IL17RA: variants seen among roughly 807,000 people sequenced by gnomAD.
IL17RA encodes interleukin-17 receptor A.
A neutral mutation model predicts 50.4 loss-of-function variants in IL17RA; 34 were observed. The observed-to-expected ratio is 0.67, with a 90% CI of 0.51 to 0.90. IL17RA has a LOEUF of 0.90. Among genes scored for constraint, IL17RA ranks in the 40% least tolerant of loss-of-function variants. IL17RA has a pLI of 0.00. For missense variants in IL17RA, 1,276 were observed against 1,169.8 expected (o/e 1.09, Z -1.32); for synonymous variants, 585 against 510.4 (o/e 1.15, Z -1.97).
At chr22:17,094,683 C>CTATATATATATA (rs1391959400) in intron 1 of IL17RA, among the ~76,000 whole-genome samples, 1 of 47,030 alleles carries the variant, frequency 2.1e-5, no homozygotes, top group Non-Finnish European at 4.0e-5. Context: ...CTCTCTCTCT[C>CTATATATATATA]TCTCTCTCTA....
chr22:17,088,903 C>T (rs181953407), intron 1 of IL17RA, among the ~76,000 whole-genome samples: 2 of 152,084 alleles, frequency 1.3e-5, no homozygotes, highest in Non-Finnish European at 2.9e-5. Context: ...TCAAGCGATT[C>T]TCCTGCCTCA....
At chr22:17,087,132 T>C (rs1448850098) in intron 1 of IL17RA, among the ~76,000 whole-genome samples, 5 of 152,340 alleles carry the variant, frequency 3.3e-5, no homozygotes, top group African/African-American at 9.6e-5. Context: ...CTGGGCTCCA[T>C]TGACTAGTTC....
chr22:17,089,676 C>A (rs1018182990), intron 1 of IL17RA, among the ~76,000 whole-genome samples: 25 of 152,140 alleles, frequency 1.6e-4, no homozygotes, highest in African/African-American at 4.6e-4. Flanking sequence ...AGTTCAAGAC[C>A]AGTCTGGGCA....
rs1568923390 is a variant in IL17RA, at chr22:17,108,615, C to G, written c.1396C>G (p.Arg466Gly). 6.2e-7 allele frequency: 1 copy of G among 1,604,486 alleles called. No individual in the cohort carries two copies. The highest frequency in any genetic ancestry group is 1.1e-5 in the South Asian group (1 of 91,064). ...GCTCCTGGGCCGGGGGGCGCCTGTG[C>G]GGCTGCGCTGCGACCACGGAAAGCC... Reference protein sequence around the residue: ...QALLGRGAPVRLRCDHGKPVG... With the variant: ...QALLGRGAPVGLRCDHGKPVG... Residue 466 changes from arginine to glycine, a missense_variant, in exon 13 of 13, where the codon CGG becomes GGG. Arg to Gly is a moderately radical substitution (Grantham distance 125). Coordinates refer to ENST00000319363, the MANE Select transcript of IL17RA (RefSeq NM_014339.7).
At chr22:17,097,714 T>G in intron 2 of IL17RA, 83 bp from the exon 3 acceptor site, 1 of 1,570,714 alleles carries the variant, frequency 6.4e-7, no homozygotes, top group Non-Finnish European at 8.7e-7. Context: ...AGCTGTTTGC[T>G]GTCTAGCTGT....
At chr22:17,107,843 C>T (rs768262630) in intron 12 of IL17RA, 75 bp downstream of exon 12, 27 of 1,341,586 alleles carry the variant, frequency 2.0e-5, no homozygotes, top group South Asian at 2.3e-5. Context: ...GTGCGTGGGT[C>T]GCCTCCTGTG....
At chr22:17,108,262 T>A in intron 12 of IL17RA, 45 bp from the exon 13 acceptor site, 1 of 1,598,484 alleles carries the variant, frequency 6.3e-7, no homozygotes, top group South Asian at 1.1e-5. Flanking sequence ...AGAGCTGCCC[T>A]GGGCCCTGGG....
At chr22:17,108,002 T>C (rs1302624212) in intron 12 of IL17RA, among the ~76,000 whole-genome samples, 1 of 152,174 alleles carries the variant, frequency 6.6e-6, no homozygotes, top group Non-Finnish European at 1.5e-5. Context: ...TGAACAGAGG[T>C]CCTCCCTGGA....
chr22:17,104,820 A>T lies in IL17RA; in HGVS notation c.931+10A>T. ...ATGCCAGACACTCCAGGTAGGGGAC[A>T]TGCGGCTGTCCTAGGCCATACTGGG... is the stretch of plus-strand genomic sequence containing the variant. On this transcript the variant is annotated intron_variant, in intron 9 of 12. Coordinates refer to ENST00000319363, the MANE Select transcript of IL17RA (RefSeq NM_014339.7). 6.2e-7 allele frequency: 1 copy of T among 1,613,648 alleles called. No individual in the cohort carries two copies. The highest frequency in any genetic ancestry group is 1.1e-5 in the South Asian group (1 of 91,072).
At chr22:17,092,431 C>T (rs1393428975) in intron 1 of IL17RA, among the ~76,000 whole-genome samples, 1 of 152,188 alleles carries the variant, frequency 6.6e-6, no homozygotes, top group African/African-American at 2.4e-5. Flanking sequence ...GAGGCCCAGA[C>T]TTACCACTGG....
chr22:17,109,161 G>T lies in IL17RA; in HGVS notation c.1942G>T (p.Ala648Ser). ...LVGEEGGAAV[A>S]KLEPHLQPRG... ...CGGGGAGGAAGGAGGAGCAGCAGTG[G>T]CAAAGCTGGAACCTCACCTGCAGCC... is the stretch of plus-strand genomic sequence containing the variant. The change falls in exon 13 of 13, where the codon GCA becomes TCA. Residue 648 changes from alanine (A) to serine (S), a missense_variant. By Grantham distance (99) the Ala-to-Ser change is moderately conservative. Coordinates refer to ENST00000319363, the MANE Select transcript of IL17RA (RefSeq NM_014339.7). The T allele has an allele frequency of 6.5e-7, 1 of 1,532,182 alleles. No homozygotes were observed. Among genetic ancestry groups the T allele is most frequent in the Non-Finnish European group, 8.7e-7 (1 of 1,145,628 alleles). The allele number at this position is 1,532,182 out of a possible 1,614,324, so 94.9% of individuals were successfully genotyped here.
intron 6 of IL17RA, 48 bp downstream of exon 6, chr22:17,102,091 A>G: frequency 2.5e-6 from 4 of 1,614,062 alleles, no homozygotes; most frequent in Non-Finnish European, 3.4e-6. Flanking sequence ...ACACATGCAC[A>G]TGTGCGTGCC....
Position 17,085,056 on chromosome 22 carries a change from A to C in IL17RA, c.-36A>C. Reference sequence around the variant, plus strand: ...CAGAACGTTCGTTCGCTGCGTCCCCAGCCGGGGCCGAGCCCTCCGCGACGC... The same window carrying C: ...CAGAACGTTCGTTCGCTGCGTCCCCCGCCGGGGCCGAGCCCTCCGCGACGC... On this transcript the variant is annotated 5_prime_UTR_variant, in exon 1 of 13. Transcript: ENST00000319363. The C allele has an allele frequency of 1.5e-6, 2 of 1,290,360 alleles. No individual in the cohort carries two copies. Among genetic ancestry groups the C allele is most frequent in the Non-Finnish European group, 2.0e-6 (2 of 1,018,350 alleles). The allele number at this position is 1,290,360 out of a possible 1,614,324, so 79.9% of individuals were successfully genotyped here. A position where few individuals can be genotyped will look rare whatever the true frequency, so the allele number is the denominator to read the frequency against.
Position 17,109,345 on chromosome 22 carries a change from C to G in IL17RA, c.2126C>G (p.Pro709Arg), listed in dbSNP as rs757383824. ...EGEACPLLGS[P>R]GAGRNSVLFL... Reference sequence around the variant, plus strand: ...GAGGCCTGCCCGCTGCTGGGCAGCCCGGGCGCTGGGCGAAATAGCGTCCTC... The same window carrying G: ...GAGGCCTGCCCGCTGCTGGGCAGCCGGGGCGCTGGGCGAAATAGCGTCCTC... Residue 709 changes from proline to arginine, a missense_variant, in exon 13 of 13, where the codon CCG becomes CGG. By Grantham distance (103) the Pro-to-Arg change is moderately radical. Coordinates refer to ENST00000319363, the MANE Select transcript of IL17RA (RefSeq NM_014339.7). 5.7e-6 allele frequency: 9 copies of G among 1,586,012 alleles called. No individual in the cohort carries two copies. Among genetic ancestry groups the G allele is most frequent in the Non-Finnish European group, 7.7e-6 (9 of 1,169,190 alleles).
intron 7 of IL17RA, among the ~76,000 whole-genome samples, chr22:17,102,534 C>T (rs1183933814): frequency 6.6e-6 from 1 of 151,966 alleles, no homozygotes; most frequent in African/African-American, 2.4e-5. Flanking sequence ...TTTGTTCTTT[C>T]CTCCCCCACA....
At position 17,108,514 on chromosome 22, in the gene IL17RA, A is replaced by G. The variant is rs761289452; in HGVS notation, c.1295A>G (p.Gln432Arg). ...EAGVMTWVGR[Q>R]KQEMVESNSK... is the part of the protein sequence containing the mutation. ...GGAGTCATGACCTGGGTGGGCCGTC[A>G]GAAGCAGGAGATGGTGGAGAGCAAC... The change falls in exon 13 of 13, where the codon CAG becomes CGG. Residue 432 changes from glutamine to arginine, a missense_variant. By Grantham distance (43) the Gln-to-Arg change is conservative. Coordinates refer to ENST00000319363, the MANE Select transcript of IL17RA (RefSeq NM_014339.7). 6 of 1,612,088 alleles carry G rather than the reference A, an allele frequency of 3.7e-6. No homozygotes were observed. The East Asian group carries it at 1.1e-4, about 30-fold the overall frequency.
At position 17,109,692 on chromosome 22, in the gene IL17RA, G is replaced by A; in HGVS notation, c.2473G>A (p.Ala825Thr). ...AGAGGAGCAGGACCCAGGGAAGCCGGCCCTGCCACTCTCTCCCGAGGACCT... is the reference window on the plus strand; with the variant it reads ...AGAGGAGCAGGACCCAGGGAAGCCGACCCTGCCACTCTCTCCCGAGGACCT... ...EEEEQDPGKP[A>T]LPLSPEDLES... Residue 825 changes from alanine to threonine, a missense_variant, in exon 13 of 13, where the codon GCC becomes ACC. Coordinates refer to ENST00000319363, the MANE Select transcript of IL17RA (RefSeq NM_014339.7). 2 of 1,566,214 alleles carry A rather than the reference G, an allele frequency of 1.3e-6. No homozygotes were observed. Among genetic ancestry groups the A allele is most frequent in the Non-Finnish European group, 1.7e-6 (2 of 1,158,722 alleles).
At chr22:17,090,703 G>A (rs955278714) in intron 1 of IL17RA, among the ~76,000 whole-genome samples, 9 of 152,142 alleles carry the variant, frequency 5.9e-5, no homozygotes, top group African/African-American at 2.2e-4. Context: ...ACTTCTCCCT[G>A]TTTTTTATTA....
At chr22:17,085,670 C>G (rs899904049) in intron 1 of IL17RA, among the ~76,000 whole-genome samples, 9 of 152,182 alleles carry the variant, frequency 5.9e-5, no homozygotes, top group African/African-American at 1.9e-4. Context: ...CCCTCACGTA[C>G]CCCGGCGGGG....
Sources: allele counts gnomAD v4.1 joint callset (sites outside exome capture counted in the v4.1 genomes callset), GRCh38; gene constraint gnomAD v4.1.1; transcripts MANE v1.5; gene names NCBI Gene and HGNC (gene_info 2026-07-23, HGNC 2026-07-21).